Variants in HDAC7 observed in about 807,000 individuals in gnomAD.
HDAC7 encodes histone deacetylase 7A.
A neutral mutation model predicts 115.5 loss-of-function variants in HDAC7; 26 were observed. The observed-to-expected ratio is 0.23, with a 90% CI of 0.16 to 0.31. The LOEUF is 0.31. Ranked by LOEUF, HDAC7 falls within the 10% of genes least tolerant of loss-of-function variation. The probability of loss-of-function intolerance (pLI) is 1.00; values close to 1 mark genes in which losing one functional copy is unlikely to be tolerated. For missense variants in HDAC7, 1,068 were observed against 1,329.0 expected (o/e 0.80, Z 3.05); for synonymous variants, 564 against 550.9 (o/e 1.02, Z -0.33).
intron 1 of HDAC7, among the ~76,000 whole-genome samples, chr12:47,817,167 T>C (rs1434006146): frequency 6.6e-6 from 1 of 152,226 alleles, no homozygotes; most frequent in Non-Finnish European, 1.5e-5. Context: ...TCCTGCTGTG[T>C]TGCCCACCCC....
rs1472270324 is a variant in HDAC7 at position 47,794,943 on chromosome 12, G to A, written c.1285-10C>T. ...TCGGCTTGGCTGACCTCTGGGGAGG[G>A]GAGAACCTGGCTGAGAAGCCATGGT... On this transcript the variant is annotated splice_polypyrimidine_tract_variant and intron_variant, in intron 11 of 25. Transcript: ENST00000080059. 1 of 1,607,032 alleles carries A rather than the reference G, an allele frequency of 6.2e-7. No individual in the cohort carries two copies. Among genetic ancestry groups the A allele is most frequent in the Non-Finnish European group, 8.5e-7 (1 of 1,177,220 alleles).
At position 47,797,862 on chromosome 12, in the gene HDAC7, G is replaced by T. The variant is rs1288555322; in HGVS notation, c.461+246C>A. On this transcript the variant is annotated intron_variant, in intron 5 of 25. Coordinates refer to ENST00000080059, the MANE Select transcript of HDAC7 (RefSeq NM_015401.5). This position sits in a 1 kb window ranked among gnomAD's most constrained non-coding sequence, Gnocchi z 5.5. ...CAAGAAAAAAGCCAGTAGGGTGTGT[G>T]TGTGTGTGTGTGTGTGTGTGTGTGT... 2.8e-5 allele frequency among the ~76,000 whole-genome samples: 4 copies of T among 144,776 alleles called. No homozygotes were observed. Among genetic ancestry groups the T allele is most frequent in the Admixed American group, 2.0e-4 (3 of 14,676 alleles). The allele number at this position is 144,776 out of a possible 152,430, so 95.0% of individuals were successfully genotyped here.
intron 1 of HDAC7, among the ~76,000 whole-genome samples, chr12:47,813,726 C>T (rs1944766356): frequency 6.6e-6 from 1 of 152,082 alleles, no homozygotes; most frequent in Non-Finnish European, 1.5e-5. Flanking sequence ...GGAGCTTGGG[C>T]GGGAAGGCCT....
intron 21 of HDAC7, 151 bp from the exon 22 acceptor site, chr12:47,786,854 T>G: frequency 1.6e-6 from 1 of 636,876 alleles, no homozygotes. Flanking sequence ...TCCTTGACCT[T>G]GGCTGGCCAC....
intron 2 of HDAC7, among the ~76,000 whole-genome samples, chr12:47,799,942 C>T (rs1237684852): frequency 1.3e-5 from 2 of 152,208 alleles, no homozygotes; most frequent in Non-Finnish European, 2.9e-5. Context: ...GTGGAGAAGC[C>T]TTCCTGGAGA....
chr12:47,798,845 G>A lies in HDAC7; in HGVS notation c.198C>T (p.Arg66=), dbSNP rs1264631720. 2 of 1,559,996 alleles carry A rather than the reference G, an allele frequency of 1.3e-6. No individual in the cohort carries two copies. The highest frequency in any genetic ancestry group is 1.4e-5 in the African/African-American group (1 of 73,796). The change falls in exon 3 of 26, where the codon CGC becomes CGT. Residue 66 remains arginine, a synonymous_variant. Transcript: ENST00000080059. The surrounding 1 kb of genome is among the most constrained non-coding windows in gnomAD (Gnocchi z 4.3). ...PTLLALQRPQ[R]LHHHLFLAGL... is the part of the protein sequence containing the mutation. ...CTGCTAGGAAGAGGTGGTGGTGCAG[G>A]CGCTGGGGACGCTGCAGGGCCAGCA...
rs1217182768 is a variant in HDAC7, at chr12:47,784,768, T to C, written c.2792-551A>G. ...TCCTGCCTGCTGCTGTGAGGAACCA[T>C]GTCCTGGAATCTGGCTCAGTGTGAG... On this transcript the variant is annotated intron_variant, in intron 24 of 25. Transcript: ENST00000080059. 5.2e-6 allele frequency: 8 copies of C among 1,535,356 alleles called. No homozygotes were observed. The Admixed American group carries it at 7.8e-5, about 15-fold the overall frequency.
At chr12:47,805,259 G>GTT (rs1555143199) in intron 1 of HDAC7, among the ~76,000 whole-genome samples, 7 of 147,262 alleles carry the variant, frequency 4.8e-5, no homozygotes, top group Non-Finnish European at 6.0e-5. Context: ...TTGTTTTGTT[G>GTT]TTTTTTTTTT....
At chr12:47,799,020 G>T in intron 2 of HDAC7, 48 bp from the exon 3 acceptor site, 1 of 1,335,126 alleles carries the variant, frequency 7.5e-7, no homozygotes, top group East Asian at 2.6e-5. Flanking sequence ...TTTGTCCTCG[G>T]GGGCATGATA....
At chr12:47,818,456 C>A (rs1380114809) in intron 1 of HDAC7, among the ~76,000 whole-genome samples, 2 of 152,224 alleles carry the variant, frequency 1.3e-5, no homozygotes, top group East Asian at 3.8e-4. Context: ...ACTTAATAAC[C>A]CATGGGTAGC....
rs1944118787 is a variant in HDAC7, at chr12:47,800,657, A to G, written c.70+1567T>C. 2.0e-5 allele frequency among the ~76,000 whole-genome samples: 3 copies of G among 152,286 alleles called. No homozygotes were observed. In the Middle Eastern group the frequency reaches 0.01, roughly 518 times the overall value. On this transcript the variant is annotated intron_variant, in intron 2 of 25. Transcript: ENST00000080059. ...CCCCAGGAAAGGTTTCAGTCCTTCC[A>G]TGTTCTGTGTCCTGGCTTCCCGGGG...
rs1404055439 is a variant in HDAC7 at position 47,797,185 on chromosome 12, T to C, written c.578-43A>G. ...GTCACTCAGGCCCCCACCACCCTTC[T>C]TTTTTCCACCCTTTAACCCCTCAGT... On this transcript the variant is annotated intron_variant, in intron 6 of 25. Coordinates refer to ENST00000080059, the MANE Select transcript of HDAC7 (RefSeq NM_015401.5). This position sits in a 1 kb window ranked among gnomAD's most constrained non-coding sequence, Gnocchi z 5.5. The C allele has an allele frequency of 1.3e-6, 2 of 1,559,692 alleles. No individual in the cohort carries two copies. Among genetic ancestry groups the C allele is most frequent in the Non-Finnish European group, 1.7e-6 (2 of 1,152,046 alleles).
In HDAC7 at chr12:47,802,237, G is replaced by A. The variant is rs1035341362; in HGVS notation, c.57C>T (p.Ser19=). The A allele has an allele frequency of 6.2e-7, 1 of 1,613,940 alleles. No homozygotes were observed. The highest frequency in any genetic ancestry group is 8.5e-7 in the Non-Finnish European group (1 of 1,179,956). The change falls in exon 2 of 26, where the codon AGC becomes AGT. Residue 19 remains serine (S), a synonymous_variant. Coordinates refer to ENST00000080059, the MANE Select transcript of HDAC7 (RefSeq NM_015401.5). ...TTTGACTCTTACCTGCGCCAGTGGG[G>A]CTGCAGTAGTGGGCACCCGGGCTCA... The part of the protein sequence containing the change: ...TQVSPGAHYC[S]PTGAGCPRPC...
upstream of HDAC7, among the ~76,000 whole-genome samples, chr12:47,821,004 C>A (rs116699743): frequency 1.0e-3 from 156 of 152,336 alleles, 2 homozygotes; most frequent in African/African-American, 3.6e-3. Context: ...GCCGTGTCTG[C>A]CTCCAGCAAT....
At chr12:47,786,764 C>G in intron 21 of HDAC7, 61 bp from the exon 22 acceptor site, 2 of 1,383,630 alleles carry the variant, frequency 1.4e-6, no homozygotes, top group Non-Finnish European at 2.0e-6. Context: ...GGCGGTCCTG[C>G]CAACTTTGCG....
chr12:47,818,181 C>T (rs1251877614), intron 1 of HDAC7, among the ~76,000 whole-genome samples: 1 of 152,182 alleles, frequency 6.6e-6, no homozygotes, highest in Non-Finnish European at 1.5e-5. Context: ...GCCACAGAGA[C>T]ACCCGCCGAA....
Position 47,795,708 on chromosome 12 carries a change from G to T in HDAC7, c.966C>A (p.Ser322Arg), listed in dbSNP as rs370492382. ...GGGGCAGGAAGAGGGGAGTGTGGGG[G>T]CTCCCCAGGATTGGCCCCCGAGGGC... ...TLGPRGPILG[S>R]PHTPLFLPHG... Residue 322 changes from serine (S) to arginine (R), a missense_variant, in exon 10 of 26, where the codon AGC (serine) becomes AGA (arginine). Coordinates refer to ENST00000080059, the MANE Select transcript of HDAC7 (RefSeq NM_015401.5). The surrounding 1 kb of genome is among the most constrained non-coding windows in gnomAD (Gnocchi z 4.3). The T allele has an allele frequency of 4.9e-5, 76 of 1,549,362 alleles. No individual in the cohort carries two copies. In the African/African-American group the frequency reaches 5.7e-4, roughly 12 times the overall value.
intron 24 of HDAC7, 173 bp downstream of exon 24, chr12:47,785,214 C>T (rs3815134): frequency 0.32 from 204,350 of 631,594 alleles, 34,508 homozygotes; most frequent in Admixed American, 0.49. Context: ...AGGATAACCC[C>T]TCACTGGGGG....
chr12:47,803,687 C>T lies in HDAC7; in HGVS notation c.20-1413G>A, dbSNP rs1413513442. Among the ~76,000 whole-genome samples, 1 of 152,202 alleles carries T rather than the reference C, an allele frequency of 6.6e-6. No individual in the cohort carries two copies. ...GCCCTGTGGAAGCCATGCCCATCTG[C>T]ACCAAACACCTCGCAGGGCACGTGG... is the stretch of plus-strand genomic sequence containing the variant. On this transcript the variant is annotated intron_variant, in intron 1 of 25. Transcript: ENST00000080059. The surrounding 1 kb of genome is among the most constrained non-coding windows in gnomAD (Gnocchi z 4.0).
Sources: allele counts gnomAD v4.1 joint callset (sites outside exome capture counted in the v4.1 genomes callset), GRCh38; gene constraint gnomAD v4.1.1; non-coding constraint Gnocchi (gnomAD v3.1); transcripts MANE v1.5; gene names NCBI Gene and HGNC (gene_info 2026-07-23, HGNC 2026-07-21).